ZNF432: variants seen among roughly 807,000 people sequenced by gnomAD.
The protein encoded by ZNF432 is zinc finger protein 432.
In ZNF432, 10 loss-of-function variants were observed where a neutral mutation model predicts 13.9. The ratio of observed to expected loss-of-function variants is 0.72; its 90% CI spans 0.44 to 1.22. The LOEUF (loss-of-function observed/expected upper bound fraction) is 1.22, where lower values mean the gene tolerates loss of function less well. ZNF432 is among the 50% of genes most tolerant of loss of function. The pLI is 0.00. For synonymous variants in ZNF432, 247 were observed against 256.2 expected, an observed-to-expected ratio of 0.96 and a Z score of 0.34; for missense variants, 793 against 796.2, an observed-to-expected ratio of 1.00 and a Z score of 0.05.
chr19:52,035,550 T>G, intron 4 of ZNF432, 110 bp from the exon 5 acceptor site: 1 of 927,454 alleles, frequency 1.1e-6, no homozygotes, highest in Non-Finnish European at 1.5e-6. Flanking sequence ...TATTATTTTT[T>G]GAGACAGAGT....
Position 52,033,237 on chromosome 19 carries a change from T to C in ZNF432, c.*483A>G, listed in dbSNP as rs1182724973. ...ATTCATTAAAATTCGCTCCTGGAAA[T>C]TGCATTGTCTTCCAAGGGTGAAAAT... is the stretch of plus-strand genomic sequence containing the variant. On this transcript the variant is annotated 3_prime_UTR_variant, in exon 5 of 5. Coordinates refer to ENST00000221315, the MANE Select transcript of ZNF432 (RefSeq NM_014650.4). 1.3e-5 allele frequency: 2 copies of C among 154,032 alleles called. No individual in the cohort carries two copies. Among genetic ancestry groups the C allele is most frequent in the African/African-American group, 2.4e-5 (1 of 41,478 alleles). The allele number at this position is 154,032 out of a possible 1,614,324, so 9.5% of individuals were successfully genotyped here.
chr19:52,046,843 G>A lies in ZNF432; in HGVS notation c.15+11C>T. 2 of 1,613,508 alleles carry A rather than the reference G, an allele frequency of 1.2e-6. No individual in the cohort carries two copies. The highest frequency in any genetic ancestry group is 1.7e-6 in the Non-Finnish European group (2 of 1,179,676). ...GGAATAAAGGAGAGAATAAAATAGAGAAAAAGTCACCTGGGCATTGATCAT... is the reference window on the plus strand; with the variant it reads ...GGAATAAAGGAGAGAATAAAATAGAAAAAAAGTCACCTGGGCATTGATCAT... On this transcript the variant is annotated intron_variant, in intron 2 of 4. Coordinates refer to ENST00000221315, the MANE Select transcript of ZNF432 (RefSeq NM_014650.4).
Position 52,033,569 on chromosome 19 carries a change from C to CAT in ZNF432, c.*149_*150dup, listed in dbSNP as rs1450420070. ...TGAATTCATGTTGAAGCCTTTCTGA[C>CAT]ATTGATAGCATTCATCCTAGTGAAT... On this transcript the variant is annotated 3_prime_UTR_variant, in exon 5 of 5. Coordinates refer to ENST00000221315, the MANE Select transcript of ZNF432 (RefSeq NM_014650.4). 9 of 851,948 alleles carry CAT rather than the reference C, an allele frequency of 1.1e-5. No homozygotes were observed. Among genetic ancestry groups the CAT allele is most frequent in the Non-Finnish European group, 1.4e-5 (8 of 574,252 alleles). 52.8% of individuals were successfully genotyped at this position (851,948 alleles called of 1,614,324 possible).
chr19:52,044,036 T>C (rs1472140160), intron 2 of ZNF432, among the ~76,000 whole-genome samples: 2 of 152,152 alleles, frequency 1.3e-5, no homozygotes, highest in Non-Finnish European at 2.9e-5. Context: ...CTTTTTCTTT[T>C]CCAAGTCTCT....
chr19:52,038,520 C>T (rs568445597), intron 4 of ZNF432, among the ~76,000 whole-genome samples: 2 of 152,144 alleles, frequency 1.3e-5, no homozygotes, highest in South Asian at 2.1e-4. Context: ...AAACTCCCGA[C>T]CTCAGGTGTT....
chr19:52,033,488 ACT>A lies in ZNF432; in HGVS notation c.*230_*231del, dbSNP rs962100068. On this transcript the variant is annotated 3_prime_UTR_variant, in exon 5 of 5. Coordinates refer to ENST00000221315, the MANE Select transcript of ZNF432 (RefSeq NM_014650.4). ...ATGAAAGGTTACCCCCAATCCACAG[ACT>A]CTCTCTCAGATGAGTAATTTTCTAT... 4.2e-6 allele frequency: 2 copies of A among 476,088 alleles called. No individual in the cohort carries two copies. The highest frequency in any genetic ancestry group is 7.3e-6 in the Non-Finnish European group (2 of 275,342). 29.5% of individuals were successfully genotyped at this position (476,088 alleles called of 1,614,324 possible). A position where few individuals can be genotyped will look rare whatever the true frequency, so the allele number is the denominator to read the frequency against.
rs117439790 is a variant in ZNF432 at position 52,039,436 on chromosome 19, G to A, written c.238+1052C>T. Among the ~76,000 whole-genome samples the A allele has an allele frequency of 5.2e-4, 79 of 152,202 alleles. 3 individuals carry two copies. In the East Asian group the frequency reaches 0.011, roughly 21 times the overall value. On this transcript the variant is annotated intron_variant, in intron 4 of 4. Coordinates refer to ENST00000221315, the MANE Select transcript of ZNF432 (RefSeq NM_014650.4). ...CACTGATACATGCTAAAGAATGGAAGAATTTCAAAAACATTATGCTAAATG... is the reference window on the plus strand; with the variant it reads ...CACTGATACATGCTAAAGAATGGAAAAATTTCAAAAACATTATGCTAAATG...
At chr19:52,048,128 A>ACACAC (rs2087205580) in intron 1 of ZNF432, among the ~76,000 whole-genome samples, 1 of 103,342 alleles carries the variant, frequency 9.7e-6, no homozygotes, top group Non-Finnish European at 2.0e-5. Flanking sequence ...GTTTGAGCTC[A>ACACAC]ACACACACAC....
chr19:52,034,416 T>G lies in ZNF432; in HGVS notation c.1263A>C (p.Arg421Ser). The stretch of plus-strand genomic sequence containing the variant: ...GATATGACTTCTCTACTGTATGATT[T>G]CTCTGATGTACAATAAGATTACTCT... ...PRKSNLIVHQ[R>S]NHTVEKSYLC... The change falls in exon 5 of 5, where the codon AGA (arginine) becomes AGC (serine). Residue 421 changes from arginine to serine, a missense_variant. Coordinates refer to ENST00000221315, the MANE Select transcript of ZNF432 (RefSeq NM_014650.4). 1.2e-6 allele frequency: 2 copies of G among 1,614,094 alleles called. No homozygotes were observed. The highest frequency in any genetic ancestry group is 8.5e-7 in the Non-Finnish European group (1 of 1,180,014).
At chr19:52,035,555 CAG>C (rs1158370679) in intron 4 of ZNF432, 115 bp from the exon 5 acceptor site, 7 of 881,056 alleles carry the variant, frequency 7.9e-6, no homozygotes, top group Non-Finnish European at 1.1e-5. Flanking sequence ...TTTTTTGAGA[CAG>C]AGTCTCGCTC....
chr19:52,044,977 A>G (rs1373039326), intron 2 of ZNF432, among the ~76,000 whole-genome samples: 2 of 152,208 alleles, frequency 1.3e-5, no homozygotes, highest in Non-Finnish European at 2.9e-5. Context: ...TGGGCCATGC[A>G]TAAAATACAC....
At chr19:52,047,952 C>G (rs959815236) in intron 1 of ZNF432, among the ~76,000 whole-genome samples, 1 of 151,990 alleles carries the variant, frequency 6.6e-6, no homozygotes, top group Non-Finnish European at 1.5e-5. Context: ...AATAGAAAGC[C>G]TATTCATCCG....
At chr19:52,037,346 G>A (rs568680398) in intron 4 of ZNF432, among the ~76,000 whole-genome samples, 29 of 152,254 alleles carry the variant, frequency 1.9e-4, no homozygotes, top group African/African-American at 5.8e-4. Flanking sequence ...GCTGTGTTGC[G>A]TTATCATATG....
Position 52,034,955 on chromosome 19 carries a change from A to G in ZNF432, c.724T>C (p.Phe242Leu). 6.2e-7 allele frequency: 1 copy of G among 1,612,522 alleles called. No individual in the cohort carries two copies. The highest frequency in any genetic ancestry group is 8.5e-7 in the Non-Finnish European group (1 of 1,179,462). Residue 242 changes from phenylalanine (F) to leucine (L), a missense_variant, in exon 5 of 5, where the codon TTC becomes CTC. Phe to Leu is a conservative substitution (Grantham distance 22). Transcript: ENST00000221315. ...TCATTTAGCCTGGACTTTCTGGAGA[A>G]CACTTTTGCACACAAAGTACATCCA... is the stretch of plus-strand genomic sequence containing the variant. ...PYGCTLCAKV[F>L]SRKSRLNEHQ...
intron 1 of ZNF432, among the ~76,000 whole-genome samples, chr19:52,048,163 A>ACAC (rs2087207355): frequency 1.3e-5 from 2 of 150,878 alleles, no homozygotes; most frequent in African/African-American, 4.9e-5. Context: ...ACACACACAC[A>ACAC]CACACACACA....
intron 2 of ZNF432, 42 bp downstream of exon 2, chr19:52,046,812 C>T: frequency 6.3e-7 from 1 of 1,598,936 alleles, no homozygotes; most frequent in Non-Finnish European, 8.5e-7. Flanking sequence ...TCTACAAATC[C>T]ACTATGGAAT....
At chr19:52,039,453 T>A (rs1477697608) in intron 4 of ZNF432, among the ~76,000 whole-genome samples, 1 of 152,190 alleles carries the variant, frequency 6.6e-6, no homozygotes, top group Non-Finnish European at 1.5e-5. Context: ...AAAAACATTA[T>A]GCTAAATGAA....
chr19:52,043,373 C>T (rs1035890708), intron 2 of ZNF432, among the ~76,000 whole-genome samples: 3 of 152,180 alleles, frequency 2.0e-5, no homozygotes, highest in Non-Finnish European at 4.4e-5. Flanking sequence ...CAGCATGCTC[C>T]TTAAGAGTCA....
chr19:52,041,838 G>T (rs1261423342), intron 2 of ZNF432, among the ~76,000 whole-genome samples: 2 of 152,076 alleles, frequency 1.3e-5, no homozygotes, highest in Non-Finnish European at 2.9e-5. Context: ...GTAAAAGCGG[G>T]TTTTATGTAT....
Sources: gnomAD v4.1 joint callset for allele counts (sites outside exome capture counted in the v4.1 genomes callset) on GRCh38, gnomAD v4.1.1 for gene constraint, MANE v1.5 for transcripts, NCBI Gene and HGNC (gene_info 2026-07-23, HGNC 2026-07-21) for gene names.